Variants in CNTNAP5 observed in about 807,000 individuals in gnomAD.
CNTNAP5 encodes contactin-associated protein-like 5.
Under a neutral mutation model 150.2 loss-of-function variants are expected in CNTNAP5, and 72 were observed. The observed-to-expected ratio is 0.48, with a 90% CI of 0.40 to 0.58. The LOEUF (loss-of-function observed/expected upper bound fraction) is 0.58, where lower values mean the gene tolerates loss of function less well. CNTNAP5 is among the 20% of genes least tolerant of loss of function. The pLI is 0.00. For synonymous variants in CNTNAP5, 672 were observed against 619.8 expected (o/e 1.08, Z -1.25); for missense variants, 1,636 against 1,626.2 (o/e 1.01, Z -0.10).
intron 12 of CNTNAP5, among the ~76,000 whole-genome samples, chr2:124,614,949 A>G (rs935131366): frequency 1.3e-5 from 2 of 150,152 alleles, no homozygotes; most frequent in Non-Finnish European, 3.0e-5. Flanking sequence ...TTTACACTAC[A>G]TGGTAAACTA....
intron 12 of CNTNAP5, among the ~76,000 whole-genome samples, chr2:124,625,787 T>C (rs1677709347): frequency 6.6e-6 from 1 of 152,170 alleles, no homozygotes; most frequent in South Asian, 2.1e-4. Context: ...GCTTGCGTAA[T>C]GTAAGCTGCT....
intron 13 of CNTNAP5, among the ~76,000 whole-genome samples, chr2:124,685,185 A>G (rs1417808607): frequency 6.6e-6 from 1 of 152,138 alleles, no homozygotes; most frequent in African/African-American, 2.4e-5. Context: ...ATCCCCTCGG[A>G]TACTTCTTGT....
intron 3 of CNTNAP5, among the ~76,000 whole-genome samples, chr2:124,283,931 G>A (rs1688082826): frequency 6.6e-6 from 1 of 152,158 alleles, no homozygotes. Context: ...TTACTGCATT[G>A]TTGATTATGT....
intron 6 of CNTNAP5, among the ~76,000 whole-genome samples, chr2:124,474,190 A>T (rs1296667985): frequency 1.3e-5 from 2 of 152,090 alleles, no homozygotes; most frequent in Non-Finnish European, 2.9e-5. Context: ...TTGACAAGTG[A>T]AATTTCATCA....
chr2:124,534,701 C>T (rs931210239), intron 10 of CNTNAP5, among the ~76,000 whole-genome samples: 2 of 152,082 alleles, frequency 1.3e-5, no homozygotes, highest in African/African-American at 2.4e-5. Context: ...GGCGAAACCC[C>T]GTCTCTACTG....
At chr2:124,232,086 A>G (rs1558811911) in intron 2 of CNTNAP5, among the ~76,000 whole-genome samples, 1 of 152,308 alleles carries the variant, frequency 6.6e-6, no homozygotes, top group South Asian at 2.1e-4. Flanking sequence ...GAAATGCAGT[A>G]AACCATCACT....
intron 1 of CNTNAP5, among the ~76,000 whole-genome samples, chr2:124,155,407 G>A (rs1034317615): frequency 3.3e-5 from 5 of 152,006 alleles, no homozygotes; most frequent in Non-Finnish European, 7.4e-5. Flanking sequence ...TCTGCAGTTG[G>A]AAATATACAG....
chr2:124,883,610 A>G (rs949435542), intron 21 of CNTNAP5, among the ~76,000 whole-genome samples: 2 of 152,068 alleles, frequency 1.3e-5, no homozygotes, highest in African/African-American at 4.8e-5. Flanking sequence ...ATGTATATGT[A>G]TGTCCATGTG....
chr2:124,142,954 G>A (rs1684158835), intron 1 of CNTNAP5, among the ~76,000 whole-genome samples: 1 of 124,176 alleles, frequency 8.1e-6, no homozygotes, highest in Non-Finnish European at 1.7e-5. Flanking sequence ...AATGATAAAG[G>A]GGATATCACC....
At chr2:124,545,981 G>T (rs1375489295) in intron 10 of CNTNAP5, among the ~76,000 whole-genome samples, 2 of 152,004 alleles carry the variant, frequency 1.3e-5, no homozygotes, top group African/African-American at 4.8e-5. Flanking sequence ...CCAACTGATA[G>T]CTTCAAACTT....
intron 13 of CNTNAP5, among the ~76,000 whole-genome samples, chr2:124,701,087 T>C (rs1028814552): frequency 6.6e-6 from 1 of 152,064 alleles, no homozygotes; most frequent in African/African-American, 2.4e-5. Context: ...GTCCTCATAA[T>C]GTACCTTAGA....
chr2:124,197,976 C>A (rs1164768247), intron 1 of CNTNAP5, among the ~76,000 whole-genome samples: 7 of 144,724 alleles, frequency 4.8e-5, no homozygotes, highest in South Asian at 4.4e-4. Flanking sequence ...GACTCTGTCT[C>A]AAAAAAAAAA....
intron 1 of CNTNAP5, among the ~76,000 whole-genome samples, chr2:124,096,256 C>T (rs567419773): frequency 3.9e-5 from 6 of 152,034 alleles, no homozygotes; most frequent in Non-Finnish European, 7.4e-5. Flanking sequence ...ACTCTATTAG[C>T]CTGAATTTTT....
At chr2:124,117,777 C>T (rs1220770667) in intron 1 of CNTNAP5, among the ~76,000 whole-genome samples, 3 of 152,126 alleles carry the variant, frequency 2.0e-5, no homozygotes, top group Non-Finnish European at 4.4e-5. Flanking sequence ...AATTCTGAGG[C>T]TCCACTTCCA....
chr2:124,130,579 C>G (rs1683820320), intron 1 of CNTNAP5, among the ~76,000 whole-genome samples: 1 of 151,968 alleles, frequency 6.6e-6, no homozygotes, highest in South Asian at 2.1e-4. Context: ...TCTGGTCACC[C>G]CATCTATGCA....
chr2:124,730,678 T>C (rs1680251945), intron 13 of CNTNAP5, among the ~76,000 whole-genome samples: 2 of 152,138 alleles, frequency 1.3e-5, no homozygotes, highest in Non-Finnish European at 2.9e-5. Context: ...TTTTAAATGG[T>C]ACATTTTTGC....
At chr2:124,911,164 C>G (rs1678645607) in intron 22 of CNTNAP5, among the ~76,000 whole-genome samples, 1 of 151,838 alleles carries the variant, frequency 6.6e-6, no homozygotes, top group African/African-American at 2.4e-5. Context: ...AGCTAGGCAA[C>G]AGGGGACATT....
At chr2:124,674,104 T>C (rs1481258153) in intron 13 of CNTNAP5, among the ~76,000 whole-genome samples, 1 of 152,158 alleles carries the variant, frequency 6.6e-6, no homozygotes, top group Non-Finnish European at 1.5e-5. Context: ...TTTAGTCTTC[T>C]CTCTTTTTTC....
intron 13 of CNTNAP5, among the ~76,000 whole-genome samples, chr2:124,742,437 C>T (rs988640593): frequency 9.9e-5 from 15 of 152,090 alleles, no homozygotes; most frequent in African/African-American, 3.6e-4. Context: ...CCCCTTGAAA[C>T]TTGGGGTAGG....
Sources: allele counts gnomAD v4.1 joint callset (sites outside exome capture counted in the v4.1 genomes callset), GRCh38; gene constraint gnomAD v4.1.1; transcripts MANE v1.5; gene names NCBI Gene and HGNC (gene_info 2026-07-23, HGNC 2026-07-21).